ZMYM1: variants seen among roughly 807,000 people sequenced by gnomAD.
ZMYM1 encodes zinc finger MYM-type protein 1.
In ZMYM1, 39 loss-of-function variants were observed where a neutral mutation model predicts 60.0. That is an observed-to-expected ratio of 0.65 (90% CI 0.50 to 0.85). The LOEUF (loss-of-function observed/expected upper bound fraction) is 0.85. Among genes scored for constraint, ZMYM1 ranks in the 40% least tolerant of loss-of-function variants. ZMYM1 has a pLI of 0.00. For missense variants in ZMYM1, 1,171 were observed against 1,309.5 expected, an observed-to-expected ratio of 0.89 and a Z score of 1.63; for synonymous variants, 413 against 454.0, an observed-to-expected ratio of 0.91 and a Z score of 1.15.
intron 1 of ZMYM1, among the ~76,000 whole-genome samples, chr1:35,080,314 CTT>C (rs35214559): frequency 1.3e-4 from 16 of 125,476 alleles, no homozygotes; most frequent in Admixed American, 1.6e-4. Flanking sequence ...ATTTGTGCTT[CTT>C]TTTTTTTTTT....
At chr1:35,062,122 G>A (rs142397768) in intron 1 of ZMYM1, among the ~76,000 whole-genome samples, 113 of 152,142 alleles carry the variant, frequency 7.4e-4, no homozygotes, top group African/African-American at 2.6e-3. Flanking sequence ...GAGCCACTGC[G>A]CCCAGCCTTA....
chr1:35,112,876 A>G, intron 9 of ZMYM1, 101 bp from the exon 10 acceptor site: 1 of 1,108,944 alleles, frequency 9.0e-7, no homozygotes, highest in Non-Finnish European at 1.2e-6. Context: ...TCATACTGTA[A>G]CTCAGCCATT....
intron 1 of ZMYM1, among the ~76,000 whole-genome samples, chr1:35,081,429 T>C (rs954312035): frequency 1.3e-5 from 2 of 152,076 alleles, no homozygotes; most frequent in Non-Finnish European, 2.9e-5. Context: ...GCACATTGTA[T>C]ATACATTAGA....
chr1:35,083,706 C>G (rs1262012616), intron 1 of ZMYM1, among the ~76,000 whole-genome samples: 1 of 152,046 alleles, frequency 6.6e-6, no homozygotes, highest in Non-Finnish European at 1.5e-5. Context: ...ACCTGGAACT[C>G]TTTCCTGGGC....
chr1:35,080,412 G>A (rs1338523270), intron 1 of ZMYM1, among the ~76,000 whole-genome samples: 1 of 150,786 alleles, frequency 6.6e-6, no homozygotes, highest in African/African-American at 2.4e-5. Flanking sequence ...AGCCTTCCGA[G>A]CTTAAGCGAT....
chr1:35,082,214 A>G (rs1054377531), intron 1 of ZMYM1, among the ~76,000 whole-genome samples: 1 of 148,886 alleles, frequency 6.7e-6, no homozygotes, highest in African/African-American at 2.5e-5. Context: ...GTATTATCCT[A>G]TAATTCTGCT....
At chr1:35,070,023 T>C (rs1642039929) in intron 1 of ZMYM1, among the ~76,000 whole-genome samples, 1 of 152,242 alleles carries the variant, frequency 6.6e-6, no homozygotes, top group South Asian at 2.1e-4. Flanking sequence ...GATAGAATAA[T>C]GCTTCCAGCT....
At position 35,115,134 on chromosome 1, in the gene ZMYM1, G is replaced by A. The variant is rs1360007389; in HGVS notation, c.3304G>A (p.Gly1102Arg). The A allele has an allele frequency of 6.2e-7, 1 of 1,614,022 alleles. No individual in the cohort carries two copies. The highest frequency in any genetic ancestry group is 8.5e-7 in the Non-Finnish European group (1 of 1,179,964). The change falls in exon 10 of 10, where the codon GGA becomes AGA. Residue 1102 changes from glycine to arginine, a missense_variant. Physicochemically the swap from Gly to Arg is moderately radical, Grantham distance 125. Coordinates refer to ENST00000359858, the MANE Select transcript of ZMYM1 (RefSeq NM_024772.5). ...TAAGACATATTTATGTAATACCATG[G>A]GACAAGAGAAGCTTACTGGCCCAGC... Reference protein sequence around the residue: ...RLKTYLCNTMGQEKLTGPALM... With the variant: ...RLKTYLCNTMRQEKLTGPALM...
rs757686790 is a variant in ZMYM1, at chr1:35,104,413, A to G, written c.538A>G (p.Thr180Ala). The G allele has an allele frequency of 2.4e-5, 38 of 1,612,352 alleles. No individual in the cohort carries two copies. In the East Asian group the frequency reaches 8.5e-4, roughly 36 times the overall value. ...SYEEKRKPFV[T>A]ICTNSILTKC... The stretch of plus-strand genomic sequence containing the variant: ...TGAAGAAAAAAGAAAACCATTTGTT[A>G]CCATATGTACTAATAGCATTTTGAC... Residue 180 changes from threonine to alanine, a missense_variant, in exon 5 of 10, where the codon ACC becomes GCC. By Grantham distance (58) the Thr-to-Ala change is moderately conservative (BLOSUM62 0). Transcript: ENST00000359858.
intron 4 of ZMYM1, 43 bp from the exon 5 acceptor site, chr1:35,104,252 T>G: frequency 6.9e-7 from 1 of 1,446,304 alleles, no homozygotes. Flanking sequence ...AAGTTATAAT[T>G]GTGTTTAAAC....
downstream of ZMYM1, among the ~76,000 whole-genome samples, chr1:35,116,248 C>A (rs1191555851): frequency 6.6e-6 from 1 of 152,198 alleles, no homozygotes; most frequent in South Asian, 2.1e-4. Flanking sequence ...TTAAAACAAA[C>A]AAGAATGAAG....
In ZMYM1 at chr1:35,097,509, A is replaced by G. The variant is rs1257044683; in HGVS notation, c.362A>G (p.Tyr121Cys). The change falls in exon 4 of 10, where the codon TAC becomes TGC. Residue 121 changes from tyrosine (Y) to cysteine (C), a missense_variant. Coordinates refer to ENST00000359858, the MANE Select transcript of ZMYM1 (RefSeq NM_024772.5). Reference protein sequence around the residue: ...LFCSIPCITEYISSASSPVPS... With the variant: ...LFCSIPCITECISSASSPVPS... ...TGCTCCATACCATGCATCACTGAAT[A>G]CATTTCATCTGCCAGTTCACCAGTT... The G allele has an allele frequency of 6.2e-7, 1 of 1,614,234 alleles. No individual in the cohort carries two copies. The highest frequency in any genetic ancestry group is 8.5e-7 in the Non-Finnish European group (1 of 1,180,034).
intron 6 of ZMYM1, among the ~76,000 whole-genome samples, chr1:35,108,268 C>T (rs1257108556): frequency 6.6e-6 from 1 of 152,040 alleles, no homozygotes; most frequent in Non-Finnish European, 1.5e-5. Context: ...TTTTGTTGTG[C>T]CTTTGCCAAT....
downstream of ZMYM1, among the ~76,000 whole-genome samples, chr1:35,118,241 C>CA (rs11364403): frequency 0.019 from 1,939 of 100,030 alleles, 56 homozygotes; most frequent in African/African-American, 0.067. Flanking sequence ...AACTCCGTCT[C>CA]AAAAAAAAAA....
rs755765808 is a variant in ZMYM1 at position 35,104,787 on chromosome 1, T to A, written c.807+18T>A. 2.5e-6 allele frequency: 4 copies of A among 1,589,644 alleles called. No homozygotes were observed. ...ATAAGCAGGTATGAATAAAGACCTA[T>A]TGTTTCTTCTATTAACTGGCCTATG... is the stretch of plus-strand genomic sequence containing the variant. On this transcript the variant is annotated intron_variant, in intron 6 of 9. Coordinates refer to ENST00000359858, the MANE Select transcript of ZMYM1 (RefSeq NM_024772.5).
At chr1:35,117,921 C>T (rs1644266136), downstream of ZMYM1, among the ~76,000 whole-genome samples, 1 of 151,816 alleles carries the variant, frequency 6.6e-6, no homozygotes, top group South Asian at 2.1e-4. Context: ...GTCTGGGCAA[C>T]AAGAGAGAAA....
chr1:35,079,061 G>A (rs964906290), upstream of ZMYM1: 1 of 151,954 alleles, frequency 6.6e-6, no homozygotes, highest in Non-Finnish European at 1.5e-5. Flanking sequence ...CCCATTTCAA[G>A]GTCGAAGAAA....
chr1:35,096,432 C>G (rs1643326096), intron 3 of ZMYM1, among the ~76,000 whole-genome samples: 1 of 151,934 alleles, frequency 6.6e-6, no homozygotes, highest in Admixed American at 6.5e-5. Flanking sequence ...TTGAGACCAG[C>G]CTGGGCAACA....
At chr1:35,087,000 T>TTTTG (rs1433294871) in intron 1 of ZMYM1, among the ~76,000 whole-genome samples, 1 of 138,828 alleles carries the variant, frequency 7.2e-6, no homozygotes, top group East Asian at 2.1e-4. Context: ...TTTTTTTTTT[T>TTTTG]TTTTTTTTGA....
Sources: allele counts gnomAD v4.1 joint callset (sites outside exome capture counted in the v4.1 genomes callset), GRCh38; gene constraint gnomAD v4.1.1; transcripts MANE v1.5; gene names NCBI Gene and HGNC (gene_info 2026-07-23, HGNC 2026-07-21).